Variants in GCA observed in about 807,000 individuals in gnomAD.
GCA encodes grancalcin, EF-hand calcium-binding protein.
Under a neutral mutation model 32.6 loss-of-function variants are expected in GCA, and 30 were observed. The ratio of observed to expected loss-of-function variants is 0.92; its 90% CI spans 0.69 to 1.25. GCA has a LOEUF of 1.25. GCA is among the 50% of genes most tolerant of loss of function. The pLI is 0.00. For missense variants in GCA, 291 were observed against 266.8 expected (o/e 1.09, Z -0.63); for synonymous variants, 102 against 84.6 (o/e 1.21, Z -1.13).
downstream of GCA, among the ~76,000 whole-genome samples, chr2:162,366,060 A>C (rs1356783661): frequency 2.0e-5 from 3 of 151,718 alleles, no homozygotes; most frequent in Non-Finnish European, 4.4e-5. Flanking sequence ...GAGGAAATAC[A>C]AAGGATAGAG....
chr2:162,362,687 C>T lies in GCA; in HGVS notation c.*2444C>T. On this transcript the variant is annotated 3_prime_UTR_variant, in exon 8 of 8. Transcript: ENST00000437150. ...TTACATATATATATATTATGAGATGCTTCAGTTCAAATAACAGTGCAGTAA... is the reference window on the plus strand; with the variant it reads ...TTACATATATATATATTATGAGATGTTTCAGTTCAAATAACAGTGCAGTAA... The T allele has an allele frequency of 2.0e-6, 1 of 490,740 alleles. No homozygotes were observed. The highest frequency in any genetic ancestry group is 2.6e-6 in the Non-Finnish European group (1 of 378,568). 30.4% of individuals were successfully genotyped at this position (490,740 alleles called of 1,614,324 possible).
At chr2:162,335,666 T>C (rs1472931589) in intron 1 of GCA, among the ~76,000 whole-genome samples, 1 of 152,212 alleles carries the variant, frequency 6.6e-6, no homozygotes. Flanking sequence ...TTTAGATATA[T>C]TGAGTTGGAT....
chr2:162,344,985 T>A (rs1249870030), intron 1 of GCA, among the ~76,000 whole-genome samples: 2 of 152,158 alleles, frequency 1.3e-5, no homozygotes, highest in Non-Finnish European at 2.9e-5. Flanking sequence ...ATTTTCTATT[T>A]GTTTTTTACC....
intron 1 of GCA, among the ~76,000 whole-genome samples, chr2:162,321,621 C>A (rs1394202869): frequency 6.6e-6 from 1 of 151,948 alleles, no homozygotes; most frequent in Non-Finnish European, 1.5e-5. Context: ...TTCAGGCTGT[C>A]TGAGTTCACA....
chr2:162,359,530 C>A lies in GCA; in HGVS notation c.605C>A (p.Ser202Tyr). Residue 202 changes from serine (S) to tyrosine (Y), a missense_variant, in exon 7 of 8, where the codon TCT (serine) becomes TAT (tyrosine). Physicochemically the swap from Ser to Tyr is moderately radical, Grantham distance 144. Transcript: ENST00000437150. ...AAAAGAGACCACTTGCAACAAGGGT[C>A]TGCGAATTTCATATATGACGATGTG... Reference protein sequence around the residue: ...FRKRDHLQQGSANFIYDDFLQ... With the variant: ...FRKRDHLQQGYANFIYDDFLQ... 6.5e-7 allele frequency: 1 copy of A among 1,544,618 alleles called. No individual in the cohort carries two copies. Among genetic ancestry groups the A allele is most frequent in the South Asian group, 1.2e-5 (1 of 85,904 alleles).
At chr2:162,354,666 G>A (rs973390339) in intron 3 of GCA, among the ~76,000 whole-genome samples, 3 of 152,118 alleles carry the variant, frequency 2.0e-5, no homozygotes, top group African/African-American at 7.2e-5. Flanking sequence ...TTCTCCAAGG[G>A]TTGCTTCTCA....
chr2:162,368,378 C>T (rs1171890551), intron 4 of GCA, among the ~76,000 whole-genome samples: 1 of 151,926 alleles, frequency 6.6e-6, no homozygotes, highest in African/African-American at 2.4e-5. Flanking sequence ...AATTTAGACA[C>T]TCTGTTATGC....
chr2:162,362,227 GT>G lies in GCA; in HGVS notation c.*1990del, dbSNP rs1685602092. On this transcript the variant is annotated 3_prime_UTR_variant, in exon 8 of 8. Coordinates refer to ENST00000437150, the MANE Select transcript of GCA (RefSeq NM_012198.5). ...GTCATGTTTAATTTTATTTGACCCA[GT>G]TTTTTCCAAACTTTTTGACCACAGA... 1 of 984,356 alleles carries G rather than the reference GT, an allele frequency of 1.0e-6. No individual in the cohort carries two copies. Among genetic ancestry groups the G allele is most frequent in the Non-Finnish European group, 1.2e-6 (1 of 829,394 alleles). The allele number at this position is 984,356 out of a possible 1,614,324, so 61.0% of individuals were successfully genotyped here. A position where few individuals can be genotyped will look rare whatever the true frequency, so the allele number is the denominator to read the frequency against.
chr2:162,339,101 T>C lies in GCA; in HGVS notation c.-30-8477T>C, dbSNP rs566784482. Reference sequence around the variant, plus strand: ...CCAAGTGGCTGCTTGAGGTAATAAATGGTAAATAATATTTATTTTTGTCTT... The same window carrying C: ...CCAAGTGGCTGCTTGAGGTAATAAACGGTAAATAATATTTATTTTTGTCTT... On this transcript the variant is annotated intron_variant, in intron 1 of 4. Coordinates refer to the GCA transcript ENST00000429691. Among the ~76,000 whole-genome samples, 96 of 152,310 alleles carry C rather than the reference T, an allele frequency of 6.3e-4. No individual in the cohort carries two copies. In the South Asian group the frequency reaches 0.019, roughly 30 times the overall value.
At chr2:162,372,540 T>C (rs1464015808), downstream of GCA, among the ~76,000 whole-genome samples, 1 of 152,068 alleles carries the variant, frequency 6.6e-6, no homozygotes, top group African/African-American at 2.4e-5. Context: ...AAGAACAAAA[T>C]AGATGGTTTT....
At chr2:162,372,567 T>C (rs1198459938), downstream of GCA, among the ~76,000 whole-genome samples, 2 of 150,990 alleles carry the variant, frequency 1.3e-5, no homozygotes, top group Non-Finnish European at 2.9e-5. Context: ...TTCCCAGTCA[T>C]TCAAAACTAG....
At position 162,347,585 on chromosome 2, in the gene GCA, AT is replaced by A; in HGVS notation, c.39del (p.Phe13LeufsTer65). 6.2e-7 allele frequency: 1 copy of A among 1,603,566 alleles called. No individual in the cohort carries two copies. Among genetic ancestry groups the A allele is most frequent in the African/African-American group, 1.3e-5 (1 of 74,758 alleles). On this transcript the variant is annotated frameshift_variant, in exon 2 of 8. Transcript: ENST00000437150. LOFTEE classifies it high-confidence loss of function. The stretch of plus-strand genomic sequence containing the variant: ...CCCCTTTCACTATTATAGTTTGGAA[AT>A]TTTAGCATTCAGGTGCCAGGAATGC... ...AYPGYGGGFG[N>X]FSIQVPGMQM...
At chr2:162,350,637 A>G (rs1023327634) in intron 2 of GCA, among the ~76,000 whole-genome samples, 2 of 152,192 alleles carry the variant, frequency 1.3e-5, no homozygotes, top group African/African-American at 4.8e-5. Context: ...TGAACTGGAC[A>G]TATATTTGGA....
intron 7 of GCA, 138 bp from the exon 8 acceptor site, chr2:162,360,079 G>A: frequency 1.7e-6 from 1 of 585,350 alleles, no homozygotes; most frequent in South Asian, 2.1e-5. Context: ...CAACATTACT[G>A]ATATTTATTG....
Position 162,361,732 on chromosome 2 carries a change from T to G in GCA, c.*1489T>G, listed in dbSNP as rs991191926. ...ACATAATTTTGTTCTCTGGCTTTTTTATGAACATATATTTGATAATGTGAG... is the reference window on the plus strand; with the variant it reads ...ACATAATTTTGTTCTCTGGCTTTTTGATGAACATATATTTGATAATGTGAG... On this transcript the variant is annotated 3_prime_UTR_variant, in exon 8 of 8. Transcript: ENST00000437150. 1.0e-6 allele frequency: 1 copy of G among 982,574 alleles called. No individual in the cohort carries two copies. Among genetic ancestry groups the G allele is most frequent in the Non-Finnish European group, 1.2e-6 (1 of 827,606 alleles). The allele number at this position is 982,574 out of a possible 1,614,324, so 60.9% of individuals were successfully genotyped here.
At chr2:162,329,962 A>T (rs989509683) in intron 1 of GCA, among the ~76,000 whole-genome samples, 2 of 152,152 alleles carry the variant, frequency 1.3e-5, no homozygotes, top group South Asian at 4.1e-4. Context: ...GCTAAAAATA[A>T]TGGCCTCTAG....
At chr2:162,330,808 C>A (rs1684051855) in intron 1 of GCA, among the ~76,000 whole-genome samples, 1 of 152,190 alleles carries the variant, frequency 6.6e-6, no homozygotes, top group South Asian at 2.1e-4. Context: ...CAGTTATATT[C>A]TATAAAGTCA....
At chr2:162,368,912 G>A (rs1482737082) in intron 4 of GCA, among the ~76,000 whole-genome samples, 1 of 152,078 alleles carries the variant, frequency 6.6e-6, no homozygotes, top group South Asian at 2.1e-4. Context: ...CCCTATGGAG[G>A]AGAATGATAA....
In GCA at chr2:162,362,526, A is replaced by C; in HGVS notation, c.*2283A>C. On this transcript the variant is annotated 3_prime_UTR_variant, in exon 8 of 8. Coordinates refer to ENST00000437150, the MANE Select transcript of GCA (RefSeq NM_012198.5). ...ACCCCAGTTCTTTTACGATGATGTA[A>C]ATTATTGAATAATGTACACTCTTAA... The C allele has an allele frequency of 1.0e-6, 1 of 960,634 alleles. No homozygotes were observed. Among genetic ancestry groups the C allele is most frequent in the Non-Finnish European group, 1.2e-6 (1 of 807,492 alleles). 59.5% of individuals were successfully genotyped at this position (960,634 alleles called of 1,614,324 possible).
Sources: allele counts gnomAD v4.1 joint callset (sites outside exome capture counted in the v4.1 genomes callset), GRCh38; gene constraint gnomAD v4.1.1; transcripts MANE v1.5; gene names NCBI Gene and HGNC (gene_info 2026-07-23, HGNC 2026-07-21).